TBC1D22A: variants seen among roughly 807,000 people sequenced by gnomAD.
TBC1D22A encodes TBC1 domain family member 22A, also known as putative GTPase activator.
TBC1D22A carries 38 observed loss-of-function variants against 60.2 expected under a neutral mutation model. The observed-to-expected ratio is 0.63, with a 90% CI of 0.49 to 0.83. The LOEUF is 0.83. Ranked by LOEUF, TBC1D22A falls within the 40% of genes least tolerant of loss-of-function variation. The pLI is 0.00. For missense variants in TBC1D22A, 628 were observed against 701.0 expected, an observed-to-expected ratio of 0.90 and a Z score of 1.18; for synonymous variants, 302 against 281.7, an observed-to-expected ratio of 1.07 and a Z score of -0.72.
At chr22:46,960,602 G>A (rs976968768) in intron 8 of TBC1D22A, among the ~76,000 whole-genome samples, 1 of 152,106 alleles carries the variant, frequency 6.6e-6, no homozygotes, top group Non-Finnish European at 1.5e-5. Flanking sequence ...CCCCAACCAG[G>A]CAGTCTGCTC....
At chr22:46,958,666 C>G (rs145221199) in intron 8 of TBC1D22A, among the ~76,000 whole-genome samples, 2 of 152,206 alleles carry the variant, frequency 1.3e-5, no homozygotes, top group African/African-American at 4.8e-5. Flanking sequence ...TGCCCAGCGT[C>G]GGGACTTTTC....
At chr22:46,828,146 T>G (rs1389719336) in intron 4 of TBC1D22A, among the ~76,000 whole-genome samples, 2 of 152,196 alleles carry the variant, frequency 1.3e-5, no homozygotes, top group Non-Finnish European at 2.9e-5. Flanking sequence ...GAGGTTCTGG[T>G]GCAGCGTCAG....
At chr22:47,138,472 T>A (rs2066959032) in intron 12 of TBC1D22A, among the ~76,000 whole-genome samples, 1 of 152,116 alleles carries the variant, frequency 6.6e-6, no homozygotes, top group Admixed American at 6.5e-5. Flanking sequence ...GAGCAGTATG[T>A]CCTTCTGGAG....
intron 2 of TBC1D22A, chr22:46,792,900 C>T: frequency 1.4e-6 from 2 of 1,406,802 alleles, no homozygotes; most frequent in South Asian, 3.1e-5. Context: ...TTCCCCTCCT[C>T]CTTCCCGCAT....
At chr22:47,037,594 G>A (rs1223749327) in intron 11 of TBC1D22A, among the ~76,000 whole-genome samples, 1 of 152,154 alleles carries the variant, frequency 6.6e-6, no homozygotes, top group Non-Finnish European at 1.5e-5. Context: ...TTGCGCCACT[G>A]CACTCCAGCC....
chr22:46,847,817 A>G (rs1428420256), intron 4 of TBC1D22A, among the ~76,000 whole-genome samples: 2 of 152,210 alleles, frequency 1.3e-5, no homozygotes, highest in African/African-American at 4.8e-5. Flanking sequence ...TTGAAATGAA[A>G]AAGTTTCCAT....
intron 11 of TBC1D22A, among the ~76,000 whole-genome samples, chr22:47,056,816 G>A (rs1478281455): frequency 6.6e-6 from 1 of 152,212 alleles, no homozygotes; most frequent in African/African-American, 2.4e-5. Flanking sequence ...TTCCTAGGGT[G>A]GTGGTCTTCA....
At chr22:47,069,651 G>A (rs1404329125) in intron 11 of TBC1D22A, among the ~76,000 whole-genome samples, 1 of 149,280 alleles carries the variant, frequency 6.7e-6, no homozygotes. Context: ...GGATGGAGTG[G>A]AGCTGACTTG....
At chr22:47,043,701 G>T (rs9615456) in intron 11 of TBC1D22A, among the ~76,000 whole-genome samples, 1 of 152,014 alleles carries the variant, frequency 6.6e-6, no homozygotes, top group Non-Finnish European at 1.5e-5. Context: ...GTGCAAAGAG[G>T]GTCCTCCCAT....
intron 11 of TBC1D22A, among the ~76,000 whole-genome samples, chr22:47,049,459 C>T (rs551039838): frequency 1.1e-4 from 17 of 152,202 alleles, no homozygotes; most frequent in Admixed American, 2.0e-4. Context: ...TCCTTCACTT[C>T]CTGTTTTCTA....
intron 4 of TBC1D22A, among the ~76,000 whole-genome samples, chr22:46,877,419 A>G (rs1005104333): frequency 6.6e-6 from 1 of 152,234 alleles, no homozygotes; most frequent in Non-Finnish European, 1.5e-5. Context: ...AACCATAATC[A>G]GAAAACCAGA....
At chr22:46,977,431 A>G (rs1169217969) in intron 9 of TBC1D22A, among the ~76,000 whole-genome samples, 3 of 152,162 alleles carry the variant, frequency 2.0e-5, no homozygotes, top group Non-Finnish European at 4.4e-5. Flanking sequence ...TGTCCCCAAG[A>G]AGCTCAGAGC....
intron 11 of TBC1D22A, among the ~76,000 whole-genome samples, chr22:47,104,650 A>ACCATTGCACTCCAGCCTG (rs2065555363): frequency 6.7e-6 from 1 of 149,738 alleles, no homozygotes; most frequent in Non-Finnish European, 1.5e-5. Flanking sequence ...AACTGAGATC[A>ACCATTGCACTCCAGCCTG]CACCATTGCA....
At chr22:47,173,404 C>T (rs2068569150) in intron 12 of TBC1D22A, 94 bp from the exon 13 acceptor site, 2 of 1,538,786 alleles carry the variant, frequency 1.3e-6, no homozygotes, top group Non-Finnish European at 8.9e-7. Context: ...CCTCCTCTGA[C>T]CTGGGCTTGT....
intron 11 of TBC1D22A, among the ~76,000 whole-genome samples, chr22:47,062,349 C>T (rs2038259208): frequency 6.6e-6 from 1 of 152,100 alleles, no homozygotes; most frequent in Non-Finnish European, 1.5e-5. Flanking sequence ...GGTCTGAGGT[C>T]CATTCTCTGT....
intron 10 of TBC1D22A, among the ~76,000 whole-genome samples, chr22:47,005,991 T>TATAC (rs1484730728): frequency 6.6e-6 from 1 of 151,800 alleles, no homozygotes. Flanking sequence ...CACAGTCCCG[T>TATAC]ATACACAGGT....
intron 4 of TBC1D22A, among the ~76,000 whole-genome samples, chr22:46,843,167 C>G (rs1364844308): frequency 6.6e-6 from 1 of 152,232 alleles, no homozygotes; most frequent in Non-Finnish European, 1.5e-5. Flanking sequence ...TGAGCCAGTT[C>G]TGCTGCTCGC....
chr22:47,105,615 A>G (rs1409023677), intron 11 of TBC1D22A, among the ~76,000 whole-genome samples: 2 of 152,170 alleles, frequency 1.3e-5, no homozygotes, highest in Admixed American at 6.5e-5. Flanking sequence ...TCCAACTACA[A>G]TCCTACATTC....
chr22:46,991,384 A>G lies in TBC1D22A; in HGVS notation c.1126-6250A>G, dbSNP rs183170966. Among the ~76,000 whole-genome samples the G allele has an allele frequency of 1.6e-4, 24 of 152,312 alleles. No homozygotes were observed. The East Asian group carries it at 4.1e-3, about 26-fold the overall frequency. On this transcript the variant is annotated intron_variant, in intron 9 of 12. Transcript: ENST00000337137. ...CCAGTGCCTCTCAGCTGGGAGGGAT[A>G]GCGAATGTGATAGATGGCACAATCA...
Sources: allele counts gnomAD v4.1 joint callset (sites outside exome capture counted in the v4.1 genomes callset), GRCh38; gene constraint gnomAD v4.1.1; transcripts MANE v1.5; gene names NCBI Gene and HGNC (gene_info 2026-07-23, HGNC 2026-07-21).